Variants in ABCA1 observed in about 807,000 individuals in gnomAD.
ABCA1 encodes ATP binding cassette subfamily A member 1.
A neutral mutation model predicts 262.5 loss-of-function variants in ABCA1; 133 were observed. That is an observed-to-expected ratio of 0.51 (90% CI 0.44 to 0.59). The LOEUF (loss-of-function observed/expected upper bound fraction) is 0.59. Ranked by LOEUF, ABCA1 falls within the 20% of genes least tolerant of loss-of-function variation. The probability of loss-of-function intolerance (pLI) is 0.00; values close to 1 mark genes in which losing one functional copy is unlikely to be tolerated. For synonymous variants in ABCA1, 1,022 were observed against 1,043.5 expected (o/e 0.98, Z 0.40); for missense variants, 2,452 against 2,777.5 (o/e 0.88, Z 2.63).
chr9:104,857,531 C>T (rs2487057), intron 7 of ABCA1, among the ~76,000 whole-genome samples: 58,161 of 151,634 alleles, frequency 0.38, 12,936 homozygotes, highest in African/African-American at 0.63. Flanking sequence ...CACACCTGGC[C>T]GATACAAAAA....
intron 29 of ABCA1, among the ~76,000 whole-genome samples, chr9:104,810,101 G>A (rs1831137164): frequency 7.0e-6 from 1 of 142,604 alleles, no homozygotes. Flanking sequence ...TATGTAAGAA[G>A]AAAATGTGGG....
rs1830197040 is a variant in ABCA1, at chr9:104,800,007, G to A, written c.4774-19C>T. The A allele has an allele frequency of 6.2e-7, 1 of 1,613,890 alleles. No homozygotes were observed. The highest frequency in any genetic ancestry group is 8.5e-7 in the Non-Finnish European group (1 of 1,180,008). On this transcript the variant is annotated intron_variant, in intron 35 of 49. Coordinates refer to ENST00000374736, the MANE Select transcript of ABCA1 (RefSeq NM_005502.4). ...ACCACACCTGAAAGAAAACATACCA[G>A]GTACAAGGTAATGCCCCCAAACCGG...
chr9:104,840,737 T>C (rs1330088342), intron 8 of ABCA1, among the ~76,000 whole-genome samples: 1 of 152,190 alleles, frequency 6.6e-6, no homozygotes, highest in Non-Finnish European at 1.5e-5. Flanking sequence ...AGCATCAGCA[T>C]TACTGGAGAC....
Position 104,863,030 on chromosome 9 carries a change from C to T in ABCA1, c.422-1230G>A, listed in dbSNP as rs529236797. Among the ~76,000 whole-genome samples, 8 of 152,002 alleles carry T rather than the reference C, an allele frequency of 5.3e-5. No individual in the cohort carries two copies. In the East Asian group the frequency reaches 7.8e-4, roughly 15 times the overall value. ...GATTTGATTGCTAAAGGATTTCATA[C>T]GGAATCTCCCTAAATAATAGGCCCT... On this transcript the variant is annotated intron_variant, in intron 5 of 49. Transcript: ENST00000374736.
intron 6 of ABCA1, among the ~76,000 whole-genome samples, chr9:104,859,826 G>A (rs1235425586): frequency 9.9e-5 from 15 of 152,206 alleles, no homozygotes; most frequent in East Asian, 1.9e-4. Context: ...CAAGGCAGAC[G>A]GATCACCTGA....
intron 13 of ABCA1, 96 bp downstream of exon 13, chr9:104,831,526 C>A: frequency 9.4e-7 from 1 of 1,062,258 alleles, no homozygotes; most frequent in Non-Finnish European, 1.3e-6. Flanking sequence ...GAAATTTCTA[C>A]CAAATTTTTA....
At chr9:104,870,968 C>A (rs4742926) in intron 5 of ABCA1, among the ~76,000 whole-genome samples, 2 of 151,724 alleles carry the variant, frequency 1.3e-5, no homozygotes, top group Admixed American at 6.6e-5. Flanking sequence ...AATGGTGGAA[C>A]GTCATCAGTT....
intron 44 of ABCA1, among the ~76,000 whole-genome samples, chr9:104,790,051 G>A (rs540804428): frequency 4.0e-4 from 60 of 151,504 alleles, no homozygotes; most frequent in African/African-American, 1.1e-3. Flanking sequence ...AGCCAAGGTC[G>A]CGCCATTGCT....
chr9:104,903,500 T>C, intron 2 of ABCA1, 114 bp downstream of exon 2: 2 of 1,103,970 alleles, frequency 1.8e-6, no homozygotes, highest in Non-Finnish European at 2.7e-6. Flanking sequence ...ATTCCATCAA[T>C]CCCTGTGTGA....
intron 16 of ABCA1, 42 bp from the exon 17 acceptor site, chr9:104,825,929 G>T: frequency 6.2e-7 from 1 of 1,602,314 alleles, no homozygotes; most frequent in African/African-American, 1.3e-5. Flanking sequence ...TTCCTGGTCA[G>T]TCTCATTTTT....
At chr9:104,910,386 T>C (rs1200928348) in intron 1 of ABCA1, among the ~76,000 whole-genome samples, 1 of 152,200 alleles carries the variant, frequency 6.6e-6, no homozygotes. Flanking sequence ...TCTCAAGAAA[T>C]AACTTTTTCA....
chr9:104,861,277 C>G (rs985134634), intron 6 of ABCA1, among the ~76,000 whole-genome samples: 9 of 152,186 alleles, frequency 5.9e-5, no homozygotes, highest in Non-Finnish European at 1.0e-4. Context: ...TCCAAATACA[C>G]CCTTGTCTAA....
At chr9:104,906,680 C>T (rs537805993) in intron 1 of ABCA1, among the ~76,000 whole-genome samples, 1 of 150,614 alleles carries the variant, frequency 6.6e-6, no homozygotes, top group South Asian at 2.1e-4. Flanking sequence ...GCCCCTTCTG[C>T]TCAGGTAACT....
chr9:104,793,172 T>G lies in ABCA1; in HGVS notation c.5635A>C (p.Arg1879=). 6.2e-7 allele frequency: 1 copy of G among 1,614,104 alleles called. No individual in the cohort carries two copies. The highest frequency in any genetic ancestry group is 1.1e-5 in the South Asian group (1 of 91,082). The change falls in exon 41 of 50, where the codon AGA becomes CGA. Residue 1879 remains arginine, a splice_region_variant and synonymous_variant. Transcript: ENST00000374736. The part of the protein sequence containing the change: ...LIQYRFFIRP[R]PVNAKLSPLN... ...CACGGGTTCTAAGAAAAAGCTCACCTGGGCCTGATGAAGAATCTGTACTGG... is the reference window on the plus strand; with the variant it reads ...CACGGGTTCTAAGAAAAAGCTCACCGGGGCCTGATGAAGAATCTGTACTGG...
chr9:104,832,187 T>C (rs1426737369), intron 12 of ABCA1, among the ~76,000 whole-genome samples: 1 of 152,206 alleles, frequency 6.6e-6, no homozygotes, highest in Non-Finnish European at 1.5e-5. Context: ...AATATAATTT[T>C]TAATATAAAA....
rs774328251 is a variant in ABCA1 at position 104,784,028 on chromosome 9, A to G, written c.*287T>C. 8 of 358,760 alleles carry G rather than the reference A, an allele frequency of 2.2e-5. No homozygotes were observed. The highest frequency in any genetic ancestry group is 8.3e-4 in the Middle Eastern group (1 of 1,212). The allele number at this position is 358,760 out of a possible 1,614,324, so 22.2% of individuals were successfully genotyped here. A position where few individuals can be genotyped will look rare whatever the true frequency, so the allele number is the denominator to read the frequency against. ...AAAAAAAGTGTGAGTTCAAACCCAT[A>G]TGTCCATTGGGTTCCATAATAGAGT... On this transcript the variant is annotated 3_prime_UTR_variant, in exon 50 of 50. Transcript: ENST00000374736.
intron 2 of ABCA1, among the ~76,000 whole-genome samples, chr9:104,894,835 G>C (rs1354473749): frequency 6.6e-6 from 1 of 152,244 alleles, no homozygotes. Context: ...GAACTCATGA[G>C]AGACAAAATT....
In ABCA1 at chr9:104,893,283, A is replaced by G. The variant is rs1054480604; in HGVS notation, c.67-4088T>C. ...TGAAAATACAAAAAAATAGCTGGGC[A>G]TGGTGGCGGGAGCCTGTAATCCCAG... On this transcript the variant is annotated intron_variant, in intron 2 of 49. Coordinates refer to ENST00000374736, the MANE Select transcript of ABCA1 (RefSeq NM_005502.4). 2.6e-5 allele frequency among the ~76,000 whole-genome samples: 4 copies of G among 151,932 alleles called. No homozygotes were observed. The East Asian group carries it at 7.8e-4, about 29-fold the overall frequency.
In ABCA1 at chr9:104,831,824, C is replaced by T; in HGVS notation, c.1513G>A (p.Val505Ile). ...ATGGGTTCTAGCTTGTTCAGGTTGA[C>T]ACACTGATAGAAGAACAGCCTTCAT... ...IRTISRFMEC[V>I]NLNKLEPIAT... is the part of the protein sequence containing the mutation. Residue 505 changes from valine to isoleucine, a missense_variant, in exon 13 of 50, where the codon GTC (valine) becomes ATC (isoleucine). This residue lies in a region of ABCA1 where 1,032 missense variants were observed against 1,089.7 expected (regional missense o/e 0.95). Transcript: ENST00000374736. 1.2e-6 allele frequency: 2 copies of T among 1,614,148 alleles called. No individual in the cohort carries two copies. The highest frequency in any genetic ancestry group is 1.7e-6 in the Non-Finnish European group (2 of 1,180,016).
Sources: allele counts gnomAD v4.1 joint callset (sites outside exome capture counted in the v4.1 genomes callset), GRCh38; gene constraint gnomAD v4.1.1; regional missense constraint gnomAD v4.1.1; transcripts MANE v1.5; gene names NCBI Gene and HGNC (gene_info 2026-07-23, HGNC 2026-07-21).